METTL9: variants seen among roughly 807,000 people sequenced by gnomAD.
METTL9 encodes the protein protein-L-histidine N-pros-methyltransferase.
Under a neutral mutation model 36.0 loss-of-function variants are expected in METTL9, and 10 were observed. The observed-to-expected ratio is 0.28, with a 90% CI of 0.17 to 0.47. The LOEUF (loss-of-function observed/expected upper bound fraction) is 0.47, where lower values mean the gene tolerates loss of function less well. Among genes scored for constraint, METTL9 ranks in the 20% least tolerant of loss-of-function variants. METTL9 has a pLI of 0.99. For synonymous variants in METTL9, 175 were observed against 149.7 expected, an observed-to-expected ratio of 1.17 and a Z score of -1.23; for missense variants, 246 against 383.5, an observed-to-expected ratio of 0.64 and a Z score of 3.00.
intron 4 of METTL9, among the ~76,000 whole-genome samples, chr16:21,638,577 C>T (rs1258888768): frequency 3.3e-5 from 5 of 152,140 alleles, no homozygotes; most frequent in African/African-American, 1.2e-4. Context: ...GAGAATCACG[C>T]TTTTGCTCTT....
chr16:21,625,707 A>G (rs1489405869), intron 4 of METTL9, among the ~76,000 whole-genome samples: 1 of 152,156 alleles, frequency 6.6e-6, no homozygotes, highest in Non-Finnish European at 1.5e-5. Flanking sequence ...ATATCACTTC[A>G]TAGTTACTGT....
intron 4 of METTL9, among the ~76,000 whole-genome samples, chr16:21,628,001 A>G (rs226008): frequency 0.59 from 90,118 of 152,090 alleles, 27,612 homozygotes; most frequent in South Asian, 0.75. Flanking sequence ...CAGTTCCACA[A>G]TCTTGTTCAG....
intron 4 of METTL9, among the ~76,000 whole-genome samples, chr16:21,634,193 C>T (rs558166005): frequency 6.6e-6 from 1 of 152,282 alleles, no homozygotes; most frequent in East Asian, 1.9e-4. Context: ...AGGAGATTAA[C>T]ACTGAGAAGG....
chr16:21,622,790 A>T (rs939473312), intron 3 of METTL9, among the ~76,000 whole-genome samples: 6 of 152,216 alleles, frequency 3.9e-5, no homozygotes, highest in African/African-American at 1.2e-4. Flanking sequence ...CACAGAGGCT[A>T]CCTATCTGAA....
chr16:21,640,885 C>T (rs911790740), intron 4 of METTL9: 9 of 152,012 alleles, frequency 5.9e-5, no homozygotes, highest in African/African-American at 9.7e-5. Flanking sequence ...ATCTAGAGTC[C>T]GTTGTGGCTT....
At chr16:21,645,549 C>T (rs891086097) in intron 4 of METTL9, among the ~76,000 whole-genome samples, 1 of 152,174 alleles carries the variant, frequency 6.6e-6, no homozygotes, top group African/African-American at 2.4e-5. Flanking sequence ...ACAAATTAAC[C>T]ACATCTATAC....
intron 4 of METTL9, chr16:21,626,784 A>T (rs1233481859): frequency 5.6e-6 from 1 of 177,958 alleles, no homozygotes; most frequent in East Asian, 1.9e-4. Context: ...CTCACTAGTC[A>T]TCAGGTTGGA....
chr16:21,612,622 T>TC (rs1965451701), intron 1 of METTL9, 23 bp from the exon 2 acceptor site: 1 of 1,430,452 alleles, frequency 7.0e-7, no homozygotes, highest in South Asian at 1.5e-5. Context: ...TAATTTTTGT[T>TC]CTTTTTTTTT....
At chr16:21,637,719 A>G (rs1473159207) in intron 4 of METTL9, among the ~76,000 whole-genome samples, 1 of 152,238 alleles carries the variant, frequency 6.6e-6, no homozygotes, top group Non-Finnish European at 1.5e-5. Flanking sequence ...CGCTGCGCGC[A>G]GCCCGGCTCC....
At chr16:21,618,156 AT>A in intron 3 of METTL9, 82 bp downstream of exon 3, 1 of 1,071,614 alleles carries the variant, frequency 9.3e-7, no homozygotes, top group African/African-American at 1.6e-5. Context: ...ATCTTCCATG[AT>A]TAGAAATTTA....
chr16:21,601,727 T>TTC (rs1242887745), intron 1 of METTL9, among the ~76,000 whole-genome samples: 4 of 113,634 alleles, frequency 3.5e-5, no homozygotes, highest in Non-Finnish European at 8.4e-5. Flanking sequence ...CGTATTTATA[T>TTC]TCTGTGTGTG....
intron 4 of METTL9, chr16:21,652,776 A>T: frequency 1.9e-6 from 1 of 516,894 alleles, no homozygotes; most frequent in Non-Finnish European, 3.5e-6. Context: ...GGCCTGGAGC[A>T]CATTTAGAAA....
At chr16:21,644,117 G>A (rs1195532077) in intron 4 of METTL9, among the ~76,000 whole-genome samples, 1 of 152,176 alleles carries the variant, frequency 6.6e-6, no homozygotes, top group Admixed American at 6.5e-5. Context: ...GAGAATGTAT[G>A]ATGCCTTCTT....
intron 2 of METTL9, among the ~76,000 whole-genome samples, chr16:21,613,984 C>T (rs1476090032): frequency 6.6e-6 from 1 of 152,132 alleles, no homozygotes; most frequent in Non-Finnish European, 1.5e-5. Flanking sequence ...CTTTTCTTTT[C>T]CCTTGAGGTT....
chr16:21,621,149 AGTGTGTGTGTGTGTGT>A (rs112846012), intron 3 of METTL9, among the ~76,000 whole-genome samples: 4 of 144,620 alleles, frequency 2.8e-5, no homozygotes, highest in African/African-American at 1.0e-4. Flanking sequence ...TGAGAGAGAG[AGTGTGTGTGTGTGTGT>A]GTGTGTGTGT....
At chr16:21,653,526 T>C (rs1352841297) in intron 4 of METTL9, 1 of 152,220 alleles carries the variant, frequency 6.6e-6, no homozygotes, top group Non-Finnish European at 1.5e-5. Flanking sequence ...TATGCAAACA[T>C]TTGAAGGTAG....
At chr16:21,637,729 C>G (rs982164828) in intron 4 of METTL9, among the ~76,000 whole-genome samples, 6 of 152,268 alleles carry the variant, frequency 3.9e-5, no homozygotes, top group Non-Finnish European at 1.5e-5. Flanking sequence ...AGCCCGGCTC[C>G]TGCCCGTGCC....
In METTL9 at chr16:21,612,542, T is replaced by G. The variant is rs1451469171; in HGVS notation, c.166-103T>G. On this transcript the variant is annotated intron_variant, in intron 1 of 4. Coordinates refer to ENST00000358154, the MANE Select transcript of METTL9 (RefSeq NM_016025.5). ...ATCATGAGATGGTAATATTTGGAAA[T>G]CTTAGATGTGATTTAGTCTTCTGGT... 3 of 1,092,146 alleles carry G rather than the reference T, an allele frequency of 2.7e-6. No homozygotes were observed. In the Admixed American group the frequency reaches 1.0e-4, roughly 37 times the overall value. 67.7% of individuals were successfully genotyped at this position (1,092,146 alleles called of 1,614,324 possible).
At chr16:21,607,452 G>A (rs1188329422) in intron 1 of METTL9, among the ~76,000 whole-genome samples, 3 of 152,180 alleles carry the variant, frequency 2.0e-5, no homozygotes, top group African/African-American at 7.2e-5. Flanking sequence ...TTCAAAACGC[G>A]TGGCAGCCAC....
Sources: allele counts gnomAD v4.1 joint callset (sites outside exome capture counted in the v4.1 genomes callset), GRCh38; gene constraint gnomAD v4.1.1; transcripts MANE v1.5; gene names NCBI Gene and HGNC (gene_info 2026-07-23, HGNC 2026-07-21).